MND1: variants seen among roughly 807,000 people sequenced by gnomAD.
The protein encoded by MND1 is meiotic nuclear division protein 1 homolog.
Under a neutral mutation model 35.1 loss-of-function variants are expected in MND1, and 28 were observed. The observed-to-expected ratio is 0.80, with a 90% CI of 0.59 to 1.09. The LOEUF (loss-of-function observed/expected upper bound fraction) is 1.09. Ranked by LOEUF, MND1 falls within the 50% of genes least tolerant of loss-of-function variation. The pLI is 0.00. For synonymous variants in MND1, 69 were observed against 70.5 expected, an observed-to-expected ratio of 0.98 and a Z score of 0.11; for missense variants, 213 against 239.6, an observed-to-expected ratio of 0.89 and a Z score of 0.73.
chr4:153,390,981 A>T (rs1309630520), intron 4 of MND1, among the ~76,000 whole-genome samples: 1 of 151,222 alleles, frequency 6.6e-6, no homozygotes, highest in African/African-American at 2.4e-5. Flanking sequence ...TTATATAATT[A>T]GTAACTTTTT....
chr4:153,345,348 A>AT (rs1773048838), intron 1 of MND1: 2 of 985,376 alleles, frequency 2.0e-6, no homozygotes, highest in African/African-American at 3.5e-5. Context: ...ACTGTGTGCC[A>AT]ATTAGTCGAT....
intron 4 of MND1, among the ~76,000 whole-genome samples, chr4:153,386,732 A>AC (rs1728878378): frequency 6.6e-6 from 1 of 152,148 alleles, no homozygotes; most frequent in Non-Finnish European, 1.5e-5. Flanking sequence ...AACAACAACA[A>AC]AAAAGAAATC....
chr4:153,413,255 A>C (rs1285725913), intron 7 of MND1, among the ~76,000 whole-genome samples: 1 of 152,204 alleles, frequency 6.6e-6, no homozygotes, highest in Non-Finnish European at 1.5e-5. Flanking sequence ...CATTATCACT[A>C]CTAACAGAGT....
chr4:153,356,336 A>G (rs1291106731), intron 3 of MND1, among the ~76,000 whole-genome samples: 2 of 152,076 alleles, frequency 1.3e-5, no homozygotes, highest in Non-Finnish European at 2.9e-5. Flanking sequence ...CAGTTGGATC[A>G]TGAGGTCAGG....
chr4:153,400,647 G>C (rs1189825059), intron 6 of MND1, among the ~76,000 whole-genome samples: 1 of 152,168 alleles, frequency 6.6e-6, no homozygotes, highest in Non-Finnish European at 1.5e-5. Flanking sequence ...AGTAGTTCAA[G>C]GCTGTAGTGA....
intron 4 of MND1, among the ~76,000 whole-genome samples, chr4:153,392,298 G>T (rs1729069276): frequency 2.0e-5 from 3 of 152,030 alleles, no homozygotes; most frequent in South Asian, 2.1e-4. Flanking sequence ...GTAGAGACGG[G>T]GTTTCACCAT....
rs764146469 is a variant in MND1 at position 153,344,724 on chromosome 4, C to T, written c.-14C>T. ...AGCGCGGGCCCGGCCAGCGGAAGCC[C>T]CTGCGCCCGCGCCATGGTAAGGACT... On this transcript the variant is annotated 5_prime_UTR_variant, in exon 1 of 8. Transcript: ENST00000240488. 1 of 1,593,628 alleles carries T rather than the reference C, an allele frequency of 6.3e-7. No homozygotes were observed. Among genetic ancestry groups the T allele is most frequent in the South Asian group, 1.1e-5 (1 of 88,224 alleles).
Position 153,387,847 on chromosome 4 carries a change from T to C in MND1, c.277-6415T>C, listed in dbSNP as rs200423388. Among the ~76,000 whole-genome samples, 34 of 151,772 alleles carry C rather than the reference T, an allele frequency of 2.2e-4. No individual in the cohort carries two copies. The South Asian group carries it at 4.8e-3, about 21-fold the overall frequency. On this transcript the variant is annotated intron_variant, in intron 4 of 7. Coordinates refer to ENST00000240488, the MANE Select transcript of MND1 (RefSeq NM_032117.4). ...GAATGGAAATATAACCTTTTTTTTTTCCACAACATACTGCACGAATTTTGA... is the reference window on the plus strand; with the variant it reads ...GAATGGAAATATAACCTTTTTTTTTCCCACAACATACTGCACGAATTTTGA...
intron 4 of MND1, among the ~76,000 whole-genome samples, chr4:153,363,449 T>G (rs914854697): frequency 1.3e-5 from 2 of 152,174 alleles, no homozygotes; most frequent in Non-Finnish European, 2.9e-5. Context: ...CGACCTCAGG[T>G]GATCCACCCG....
chr4:153,372,395 CTTT>C (rs755295842), intron 4 of MND1, among the ~76,000 whole-genome samples: 7 of 151,022 alleles, frequency 4.6e-5, no homozygotes, highest in Non-Finnish European at 8.8e-5. Flanking sequence ...TTAAAAAAAA[CTTT>C]TTATGTGTGT....
chr4:153,380,436 A>T (rs954514526), intron 4 of MND1, among the ~76,000 whole-genome samples: 5 of 152,166 alleles, frequency 3.3e-5, no homozygotes, highest in African/African-American at 1.2e-4. Context: ...TATCCAGGAG[A>T]AGTATCCCAG....
At chr4:153,394,145 C>T (rs1337611590) in intron 4 of MND1, 117 bp from the exon 5 acceptor site, 8 of 755,778 alleles carry the variant, frequency 1.1e-5, no homozygotes, top group Middle Eastern at 4.9e-4. Context: ...ATCTGCCTGC[C>T]TCGGCCTGGG....
At chr4:153,345,389 G>GGGCA in intron 1 of MND1, 1 of 985,564 alleles carries the variant, frequency 1.0e-6, no homozygotes, top group Non-Finnish European at 1.2e-6. Flanking sequence ...TTCTGCCAAA[G>GGGCA]GGCAGGAGTC....
chr4:153,346,828 A>G (rs1259888201), intron 1 of MND1, among the ~76,000 whole-genome samples: 1 of 152,160 alleles, frequency 6.6e-6, no homozygotes, highest in Non-Finnish European at 1.5e-5. Context: ...TCGAATATCA[A>G]AATGTTAGGA....
chr4:153,401,128 C>T (rs1021304713), intron 6 of MND1, among the ~76,000 whole-genome samples: 1 of 152,104 alleles, frequency 6.6e-6, no homozygotes, highest in Non-Finnish European at 1.5e-5. Flanking sequence ...TGGGGCCAGG[C>T]GCAGTGGCTC....
rs893321917 is a variant in MND1 at position 153,399,957 on chromosome 4, A to G, written c.466+2624A>G. On this transcript the variant is annotated intron_variant, in intron 6 of 7. Coordinates refer to ENST00000240488, the MANE Select transcript of MND1 (RefSeq NM_032117.4). ...TGCTCTGTCTCCCAGACTGAAGTGC[A>G]GTGCATGATCAGGGATCACGGTAGC... Among the ~76,000 whole-genome samples the G allele has an allele frequency of 6.6e-5, 8 of 121,572 alleles. No individual in the cohort carries two copies. In the Admixed American group the frequency reaches 8.2e-4, roughly 13 times the overall value. 79.8% of individuals were successfully genotyped at this position (121,572 alleles called of 152,430 possible).
intron 4 of MND1, among the ~76,000 whole-genome samples, chr4:153,370,955 A>G (rs1275516196): frequency 6.6e-6 from 1 of 152,066 alleles, no homozygotes; most frequent in Non-Finnish European, 1.5e-5. Flanking sequence ...TAAAACTTGA[A>G]AGTTGAAATT....
chr4:153,393,101 A>C (rs1729090646), intron 4 of MND1, among the ~76,000 whole-genome samples: 1 of 152,184 alleles, frequency 6.6e-6, no homozygotes, highest in Non-Finnish European at 1.5e-5. Context: ...CCTGGGTGCC[A>C]GAGTGAGACA....
In MND1 at chr4:153,412,510, T is replaced by A. The variant is rs55767931; in HGVS notation, c.512-2241T>A. Among the ~76,000 whole-genome samples the A allele has an allele frequency of 7.6e-3, 1,130 of 148,272 alleles. 11 individuals carry two copies. Among genetic ancestry groups the A allele is most frequent in the Non-Finnish European group, 0.012 (815 of 67,324 alleles). ...TTTTTTTTTTTTTTTTGAAATGGAG[T>A]CTTGATGTGTCGCCCAGGCTGGAGT... On this transcript the variant is annotated intron_variant, in intron 7 of 7. Coordinates refer to ENST00000240488, the MANE Select transcript of MND1 (RefSeq NM_032117.4).
Sources: allele counts gnomAD v4.1 joint callset (sites outside exome capture counted in the v4.1 genomes callset), GRCh38; gene constraint gnomAD v4.1.1; transcripts MANE v1.5; gene names NCBI Gene and HGNC (gene_info 2026-07-23, HGNC 2026-07-21).